The following CARS2 variants were observed in gnomAD, a reference collection of about 807,000 sequenced individuals.
CARS2 encodes the protein cysteinyl-tRNA synthetase 2, mitochondrial.
Under a neutral mutation model 68.8 loss-of-function variants are expected in CARS2, and 52 were observed. The observed-to-expected ratio is 0.76, with a 90% CI of 0.61 to 0.95. CARS2 has a LOEUF of 0.95. CARS2 is among the 40% of genes least tolerant of loss of function. The pLI is 0.00. For synonymous variants in CARS2, 314 were observed against 303.6 expected (o/e 1.03, Z -0.36); for missense variants, 780 against 754.2 (o/e 1.03, Z -0.40).
chr13:110,702,761 A>AACACGCACAC (rs2063825623), intron 2 of CARS2, among the ~76,000 whole-genome samples: 1 of 152,038 alleles, frequency 6.6e-6, no homozygotes, highest in East Asian at 1.9e-4. Flanking sequence ...TCTATACACA[A>AACACGCACAC]ACACGCACAC....
chr13:110,666,210 T>C, intron 8 of CARS2: 2 of 985,388 alleles, frequency 2.0e-6, no homozygotes, highest in Non-Finnish European at 2.4e-6. Flanking sequence ...CTGGGCAGCG[T>C]GCACCCCCTT....
At chr13:110,645,814 G>A in intron 12 of CARS2, 153 bp downstream of exon 12, 1 of 1,029,318 alleles carries the variant, frequency 9.7e-7, no homozygotes, top group Non-Finnish European at 1.4e-6. Flanking sequence ...CCGTGTGTCA[G>A]CGGCAGACTC....
intron 8 of CARS2, chr13:110,664,874 C>T (rs905975911): frequency 9.9e-6 from 5 of 503,214 alleles, no homozygotes; most frequent in Non-Finnish European, 1.0e-5. Context: ...CCTCCCGAGA[C>T]ACCGAGTCTG....
intron 12 of CARS2, 145 bp downstream of exon 12, chr13:110,645,822 C>T: frequency 1.8e-6 from 2 of 1,111,838 alleles, no homozygotes; most frequent in Non-Finnish European, 2.5e-6. Flanking sequence ...CAGCGGCAGA[C>T]TCGGGCTCCA....
At position 110,670,736 on chromosome 13, in the gene CARS2, TTCAGACG is replaced by T. The variant is rs1453831524; in HGVS notation, c.786-3270_786-3264del. 6.6e-6 allele frequency among the ~76,000 whole-genome samples: 1 copy of T among 152,140 alleles called. No homozygotes were observed. The highest frequency in any genetic ancestry group is 1.5e-5 in the Non-Finnish European group (1 of 68,024). On this transcript the variant is annotated intron_variant, in intron 7 of 14. Transcript: ENST00000257347. The surrounding 1 kb of genome is among the most constrained non-coding windows in gnomAD (Gnocchi z 4.1). Reference sequence around the variant, plus strand: ...CTTTGATGAGTTGAGAGAAGAAGGCTTCAGACGATCGGTAATAACAAACTTCTCCGAG... The same window carrying T: ...CTTTGATGAGTTGAGAGAAGAAGGCTATCGGTAATAACAAACTTCTCCGAG...
Position 110,641,514 on chromosome 13 carries a change from A to G in CARS2, c.*23T>C, listed in dbSNP as rs768378539. ...AGCATGGGTGCGTCTTGTCGTGAGC[A>G]GGTTCATGGCTGTGCTCCATCCTCA... On this transcript the variant is annotated 3_prime_UTR_variant, in exon 15 of 15. Transcript: ENST00000257347. The G allele has an allele frequency of 1.9e-6, 3 of 1,592,078 alleles. No individual in the cohort carries two copies. Among genetic ancestry groups the G allele is most frequent in the Non-Finnish European group, 2.6e-6 (3 of 1,159,828 alleles).
intron 9 of CARS2, among the ~76,000 whole-genome samples, chr13:110,660,139 C>T (rs563513634): frequency 1.0e-3 from 159 of 152,354 alleles, no homozygotes; most frequent in African/African-American, 3.3e-3. Flanking sequence ...CCATAAGAAG[C>T]AACTCCTCGT....
intron 2 of CARS2, among the ~76,000 whole-genome samples, chr13:110,704,775 T>C (rs184547976): frequency 1.3e-3 from 193 of 152,358 alleles, no homozygotes; most frequent in Non-Finnish European, 2.1e-3. Context: ...ATGTAACTTT[T>C]TACTTTTAGT....
At chr13:110,693,850 G>A (rs965523331) in intron 3 of CARS2, among the ~76,000 whole-genome samples, 1 of 152,070 alleles carries the variant, frequency 6.6e-6, no homozygotes, top group African/African-American at 2.4e-5. Context: ...ATCATTTTAA[G>A]TTAGCTATCT....
rs146903473 is a variant in CARS2, at chr13:110,658,886, G to A, written c.987+4565C>T. Among the ~76,000 whole-genome samples, 446 of 152,138 alleles carry A rather than the reference G, an allele frequency of 2.9e-3. 1 individual carries two copies. The highest frequency in any genetic ancestry group is 9.8e-3 in the African/African-American group (407 of 41,494). On this transcript the variant is annotated intron_variant, in intron 9 of 14. Transcript: ENST00000257347. Reference sequence around the variant, plus strand: ...GGAGGTTGCAGTGAGCTGAGATCACGCCACTGTACTCCAGCCTGGGTGATA... The same window carrying A: ...GGAGGTTGCAGTGAGCTGAGATCACACCACTGTACTCCAGCCTGGGTGATA...
intron 8 of CARS2, chr13:110,664,732 G>T (rs960592958): frequency 4.7e-5 from 37 of 790,210 alleles, no homozygotes; most frequent in Non-Finnish European, 5.7e-5. Flanking sequence ...CAGCCCTCAG[G>T]TGACGGTAAC....
At chr13:110,661,347 T>C (rs1287153927) in intron 9 of CARS2, among the ~76,000 whole-genome samples, 2 of 152,218 alleles carry the variant, frequency 1.3e-5, no homozygotes, top group Non-Finnish European at 2.9e-5. Flanking sequence ...CAACCCCTGC[T>C]AGCTTCCAAC....
intron 7 of CARS2, among the ~76,000 whole-genome samples, chr13:110,672,864 C>G (rs1413425289): frequency 6.6e-6 from 1 of 150,884 alleles, no homozygotes; most frequent in African/African-American, 2.4e-5. Flanking sequence ...ATAGACACAA[C>G]AAAAAATGAT....
intron 7 of CARS2, among the ~76,000 whole-genome samples, chr13:110,673,342 C>A (rs879213522): frequency 2.0e-5 from 3 of 152,332 alleles, no homozygotes; most frequent in Middle Eastern, 6.8e-3. Flanking sequence ...AATCCAGCAG[C>A]ACATCAAAAA....
chr13:110,713,015 G>A (rs757136891), intron 1 of CARS2: 41 of 1,519,544 alleles, frequency 2.7e-5, no homozygotes, highest in Middle Eastern at 3.9e-4. Flanking sequence ...CAGCTCAAAG[G>A]ACACCGAGAG....
chr13:110,681,587 C>T (rs1042613536), intron 6 of CARS2, among the ~76,000 whole-genome samples: 1 of 152,202 alleles, frequency 6.6e-6, no homozygotes, highest in African/African-American at 2.4e-5. Context: ...CAGCATTGTG[C>T]TCCTTGGTAT....
Position 110,668,411 on chromosome 13 carries a change from G to C in CARS2, c.786-938C>G, listed in dbSNP as rs540785631. Among the ~76,000 whole-genome samples, 7 of 152,060 alleles carry C rather than the reference G, an allele frequency of 4.6e-5. No individual in the cohort carries two copies. The highest frequency in any genetic ancestry group is 1.0e-4 in the Non-Finnish European group (7 of 68,004). ...CAAAAAATCAGCCGGGCGTGGTGGC[G>C]GGTGCCTGTAGTCCCAGCTGCTTGG... On this transcript the variant is annotated intron_variant, in intron 7 of 14. Transcript: ENST00000257347. This position sits in a 1 kb window ranked among gnomAD's most constrained non-coding sequence, Gnocchi z 4.1.
At chr13:110,658,006 T>C (rs1464402927) in intron 9 of CARS2, among the ~76,000 whole-genome samples, 2 of 152,136 alleles carry the variant, frequency 1.3e-5, no homozygotes, top group African/African-American at 4.8e-5. Flanking sequence ...TGAAACGAAC[T>C]ACAGGAGATA....
intron 6 of CARS2, among the ~76,000 whole-genome samples, chr13:110,682,687 C>T (rs970061111): frequency 2.6e-5 from 4 of 152,086 alleles, no homozygotes; most frequent in African/African-American, 9.7e-5. Flanking sequence ...TAGTAAGACA[C>T]GTATGGGAAT....
Sources: allele counts gnomAD v4.1 joint callset (sites outside exome capture counted in the v4.1 genomes callset), GRCh38; gene constraint gnomAD v4.1.1; non-coding constraint Gnocchi (gnomAD v3.1); transcripts MANE v1.5; gene names NCBI Gene and HGNC (gene_info 2026-07-23, HGNC 2026-07-21).